Variants in CLYBL observed in about 807,000 individuals in gnomAD.
The protein encoded by CLYBL is citramalyl-CoA lyase, also known as citramalyl-CoA lyase, mitochondrial.
Under a neutral mutation model 38.9 loss-of-function variants are expected in CLYBL, and 31 were observed. The observed-to-expected ratio is 0.80, with a 90% confidence interval of 0.60 to 1.08. The LOEUF is 1.08. CLYBL is among the 50% of genes least tolerant of loss of function. The pLI is 0.00. For synonymous variants in CLYBL, 171 were observed against 158.6 expected, an observed-to-expected ratio of 1.08 and a Z score of -0.59; for missense variants, 434 against 411.6, an observed-to-expected ratio of 1.05 and a Z score of -0.47.
intron 2 of CLYBL, among the ~76,000 whole-genome samples, chr13:99,793,987 T>C (rs2049971523): frequency 6.6e-6 from 1 of 152,186 alleles, no homozygotes; most frequent in South Asian, 2.1e-4. Context: ...AGAAATAGCT[T>C]CGAGACTATG....
chr13:99,720,875 C>T lies in CLYBL; in HGVS notation c.63-51949C>T, dbSNP rs1322695834. ...AATCTGAGAATGTAAATGCTTCTTT[C>T]CATTCTGAAAACATCTCAGTCATAA... is the stretch of plus-strand genomic sequence containing the variant. On this transcript the variant is annotated intron_variant, in intron 1 of 8. Transcript: ENST00000339105. 2.0e-5 allele frequency among the ~76,000 whole-genome samples: 3 copies of T among 152,160 alleles called. No individual in the cohort carries two copies. The East Asian group carries it at 5.8e-4, about 29-fold the overall frequency.
intron 1 of CLYBL, among the ~76,000 whole-genome samples, chr13:99,657,081 T>C (rs1015049075): frequency 2.0e-5 from 3 of 152,226 alleles, no homozygotes; most frequent in Non-Finnish European, 2.9e-5. Context: ...GGAGCTGCTC[T>C]GATGGTACAT....
intron 1 of CLYBL, among the ~76,000 whole-genome samples, chr13:99,628,046 T>C (rs2139224013): frequency 6.6e-6 from 1 of 152,312 alleles, no homozygotes; most frequent in African/African-American, 2.4e-5. Flanking sequence ...AAACGTGAAG[T>C]TTACAAAACC....
At chr13:99,669,863 A>G (rs2047539161) in intron 1 of CLYBL, among the ~76,000 whole-genome samples, 1 of 152,168 alleles carries the variant, frequency 6.6e-6, no homozygotes, top group Admixed American at 6.5e-5. Context: ...CAAGGGGCCT[A>G]TTAGAAATTT....
rs139480225 is a variant in CLYBL at position 99,737,719 on chromosome 13, CT to C, written c.63-35104del. On this transcript the variant is annotated intron_variant, in intron 1 of 8. Coordinates refer to ENST00000339105, the MANE Select transcript of CLYBL (RefSeq NM_206808.5). ...ACTGTCAAGAGTTAGGAATTGCGTCCTGGTCACCAGGTTCCTTGTTTGTCCC... is the reference window on the plus strand; with the variant it reads ...ACTGTCAAGAGTTAGGAATTGCGTCCGGTCACCAGGTTCCTTGTTTGTCCC... Among the ~76,000 whole-genome samples, 661 of 152,280 alleles carry C rather than the reference CT, an allele frequency of 4.3e-3. 4 individuals are homozygous for C. The highest frequency in any genetic ancestry group is 0.015 in the African/African-American group (629 of 41,564).
chr13:99,665,114 TTAAAAA>T (rs1484478257), intron 1 of CLYBL, among the ~76,000 whole-genome samples: 1 of 151,402 alleles, frequency 6.6e-6, no homozygotes, highest in East Asian at 1.9e-4. Context: ...ATATTTTTAT[TTAAAAA>T]TAATTTTTTC....
At chr13:99,610,585 C>T (rs1429776817) in intron 1 of CLYBL, among the ~76,000 whole-genome samples, 1 of 152,140 alleles carries the variant, frequency 6.6e-6, no homozygotes, top group African/African-American at 2.4e-5. Flanking sequence ...TTCCTGGAAC[C>T]AGTAAGTCTC....
intron 8 of CLYBL, among the ~76,000 whole-genome samples, chr13:99,904,293 G>T (rs373350263): frequency 2.8e-4 from 43 of 152,320 alleles, no homozygotes; most frequent in African/African-American, 9.1e-4. Flanking sequence ...AGAACTCCCA[G>T]ACCTCGAAAG....
chr13:99,860,511 G>T (rs1185779511), intron 3 of CLYBL, among the ~76,000 whole-genome samples: 2 of 152,166 alleles, frequency 1.3e-5, no homozygotes, highest in Non-Finnish European at 2.9e-5. Flanking sequence ...ATCCTGGAGG[G>T]TCCTGAGCCC....
intron 1 of CLYBL, among the ~76,000 whole-genome samples, chr13:99,731,971 G>C (rs1173834568): frequency 6.6e-6 from 1 of 152,032 alleles, no homozygotes; most frequent in Non-Finnish European, 1.5e-5. Flanking sequence ...GGGCATACAG[G>C]CATCCCTGCA....
intron 1 of CLYBL, chr13:99,690,271 G>A (rs2047880690): frequency 6.6e-6 from 1 of 152,170 alleles, no homozygotes; most frequent in African/African-American, 2.4e-5. Context: ...GGTTCTGGTC[G>A]GCTAAGCATT....
intron 7 of CLYBL, among the ~76,000 whole-genome samples, chr13:99,887,126 G>A (rs896341887): frequency 6.6e-6 from 1 of 152,314 alleles, no homozygotes; most frequent in South Asian, 2.1e-4. Flanking sequence ...GCTAAAACAC[G>A]GAAGTTCTCA....
intron 1 of CLYBL, among the ~76,000 whole-genome samples, chr13:99,760,248 A>G (rs1191369374): frequency 1.3e-5 from 2 of 151,520 alleles, no homozygotes; most frequent in African/African-American, 2.4e-5. Context: ...AGTTTTGTTG[A>G]TCTTTTAAAA....
intron 1 of CLYBL, among the ~76,000 whole-genome samples, chr13:99,761,987 CCT>C (rs1459598989): frequency 2.0e-5 from 3 of 152,080 alleles, no homozygotes; most frequent in African/African-American, 7.2e-5. Context: ...TCTGTTCAGA[CCT>C]TTTGTCTGTT....
intron 2 of CLYBL, among the ~76,000 whole-genome samples, chr13:99,839,626 CAGAG>C (rs1480836869): frequency 3.9e-5 from 6 of 151,968 alleles, no homozygotes; most frequent in Non-Finnish European, 7.4e-5. Context: ...GTATGGGTGA[CAGAG>C]AGACAGAACA....
intron 2 of CLYBL, among the ~76,000 whole-genome samples, chr13:99,819,431 T>TAC (rs2050533057): frequency 3.6e-5 from 1 of 27,540 alleles, no homozygotes; most frequent in Admixed American, 5.1e-4. Context: ...TATATATATA[T>TAC]ATATATATAT....
intron 2 of CLYBL, among the ~76,000 whole-genome samples, chr13:99,809,304 A>G (rs945211678): frequency 1.3e-5 from 2 of 152,230 alleles, no homozygotes; most frequent in South Asian, 4.1e-4. Context: ...GTTTGCCTGC[A>G]TAACTCTCCT....
At chr13:99,886,167 G>A (rs1403202770) in intron 7 of CLYBL, among the ~76,000 whole-genome samples, 1 of 152,216 alleles carries the variant, frequency 6.6e-6, no homozygotes, top group African/African-American at 2.4e-5. Context: ...TCATCAGAAT[G>A]TGCCAGAAGG....
chr13:99,624,247 G>A (rs1334016313), intron 1 of CLYBL, among the ~76,000 whole-genome samples: 1 of 152,146 alleles, frequency 6.6e-6, no homozygotes, highest in African/African-American at 2.4e-5. Flanking sequence ...GAAACTCCAC[G>A]TTCACCCTTT....
Sources: gnomAD v4.1 joint callset for allele counts (sites outside exome capture counted in the v4.1 genomes callset) on GRCh38, gnomAD v4.1.1 for gene constraint, MANE v1.5 for transcripts, NCBI Gene and HGNC (gene_info 2026-07-23, HGNC 2026-07-21) for gene names.